PRELID3A: variants seen among roughly 807,000 people sequenced by gnomAD.
PRELID3A encodes the protein PRELI domain containing protein 3A.
PRELID3A carries 27 observed loss-of-function variants against 23.0 expected under a neutral mutation model. The ratio of observed to expected loss-of-function variants is 1.17; its 90% CI spans 0.87 to 1.62. The LOEUF is 1.62. PRELID3A is among the 40% of genes most tolerant of loss of function. The pLI is 0.00. For synonymous variants in PRELID3A, 87 were observed against 86.4 expected, an observed-to-expected ratio of 1.01 and a Z score of -0.04; for missense variants, 231 against 231.4, an observed-to-expected ratio of 1.00 and a Z score of 0.01.
In PRELID3A at chr18:12,429,435, T is replaced by C; in HGVS notation, c.*32T>C. 6.3e-7 allele frequency: 1 copy of C among 1,599,958 alleles called. No homozygotes were observed. Among genetic ancestry groups the C allele is most frequent in the East Asian group, 2.2e-5 (1 of 44,816 alleles). On this transcript the variant is annotated splice_region_variant and 3_prime_UTR_variant, in exon 6 of 7. Transcript: ENST00000440960. Reference sequence around the variant, plus strand: ...CTGTGCCTGTGCTTGTCATAAATGGTGGTGAGTACAGTATTCACTCACCTG... The same window carrying C: ...CTGTGCCTGTGCTTGTCATAAATGGCGGTGAGTACAGTATTCACTCACCTG...
chr18:12,410,973 A>G (rs543942564), intron 1 of PRELID3A: 1 of 152,318 alleles, frequency 6.6e-6, no homozygotes, highest in African/African-American at 2.4e-5. Context: ...TGCTGGGATT[A>G]CAGTACTTTT....
intron 3 of PRELID3A, among the ~76,000 whole-genome samples, chr18:12,425,192 T>C (rs1227460010): frequency 2.0e-5 from 3 of 152,170 alleles, no homozygotes; most frequent in African/African-American, 7.2e-5. Flanking sequence ...CTCAGTCACA[T>C]GAGCCACATT....
intron 3 of PRELID3A, among the ~76,000 whole-genome samples, chr18:12,425,263 T>A (rs1186585006): frequency 2.0e-5 from 3 of 152,196 alleles, no homozygotes; most frequent in Non-Finnish European, 4.4e-5. Context: ...GCATAGGACA[T>A]TACTGTTAGC....
chr18:12,418,781 C>T (rs1374460881), intron 1 of PRELID3A, among the ~76,000 whole-genome samples: 1 of 152,178 alleles, frequency 6.6e-6, no homozygotes, highest in African/African-American at 2.4e-5. Context: ...GGTGTGGTGG[C>T]CCCTCACTTG....
chr18:12,413,743 C>T (rs1292828117), intron 1 of PRELID3A, among the ~76,000 whole-genome samples: 1 of 152,140 alleles, frequency 6.6e-6, no homozygotes, highest in Admixed American at 6.5e-5. Flanking sequence ...CTCACCACGG[C>T]CTACTAATTT....
chr18:12,427,151 G>T lies in PRELID3A; in HGVS notation c.362+40G>T, dbSNP rs147046872. The T allele has an allele frequency of 3.6e-4, 578 of 1,599,266 alleles. 1 individual carries two copies. The African/African-American group carries it at 7.2e-3, about 20-fold the overall frequency. On this transcript the variant is annotated intron_variant, in intron 4 of 6. Coordinates refer to ENST00000440960, the MANE Select transcript of PRELID3A (RefSeq NM_001142405.2). Reference sequence around the variant, plus strand: ...GTGGGATTGACACATTGAATGCCACGGGTGAGGGCAGGGCAGACCCTCCTC... The same window carrying T: ...GTGGGATTGACACATTGAATGCCACTGGTGAGGGCAGGGCAGACCCTCCTC...
At chr18:12,418,712 G>T (rs762092404) in intron 1 of PRELID3A, among the ~76,000 whole-genome samples, 2 of 152,202 alleles carry the variant, frequency 1.3e-5, no homozygotes, top group African/African-American at 2.4e-5. Context: ...GACAATTAGG[G>T]CAATAAAGTG....
chr18:12,422,025 G>A (rs555878517), intron 3 of PRELID3A, among the ~76,000 whole-genome samples: 52 of 149,936 alleles, frequency 3.5e-4, no homozygotes, highest in Non-Finnish European at 6.4e-4. Context: ...GTGCAGCCTC[G>A]CACTCCTGGG....
intron 1 of PRELID3A, among the ~76,000 whole-genome samples, chr18:12,416,624 A>ATTTTC (rs1299519142): frequency 6.9e-6 from 1 of 144,458 alleles, no homozygotes; most frequent in Non-Finnish European, 1.5e-5. Flanking sequence ...AGACAAGGCT[A>ATTTTC]TTTTCTTTTC....
Position 12,420,391 on chromosome 18 carries a change from G to T in PRELID3A, c.99G>T (p.Val33=). 1 of 1,610,164 alleles carries T rather than the reference G, an allele frequency of 6.2e-7. No homozygotes were observed. Among genetic ancestry groups the T allele is most frequent in the Non-Finnish European group, 8.5e-7 (1 of 1,178,774 alleles). Residue 33 remains valine (V), a synonymous_variant, in exon 2 of 7, where the codon GTG becomes GTT. Coordinates refer to ENST00000440960, the MANE Select transcript of PRELID3A (RefSeq NM_001142405.2). ...RKYPNPMNPS[V]LGVDVLQRRV... ...ACCCGAACCCGATGAACCCGAGCGT[G>T]CTGGGCGTGGATGTGCTACAGCGCC...
intron 1 of PRELID3A, 119 bp from the exon 2 acceptor site, chr18:12,420,206 C>G (rs1245558750): frequency 2.8e-6 from 4 of 1,447,542 alleles, no homozygotes; most frequent in Non-Finnish European, 3.6e-6. Flanking sequence ...TCGGACCAGC[C>G]TTTCATTAAA....
chr18:12,428,455 T>C (rs2030447715), intron 5 of PRELID3A, among the ~76,000 whole-genome samples: 2 of 152,200 alleles, frequency 1.3e-5, no homozygotes. Flanking sequence ...TCCCTCCTTT[T>C]TGGGGGTCAG....
intron 1 of PRELID3A, among the ~76,000 whole-genome samples, chr18:12,408,461 G>T (rs1254875194): frequency 6.6e-6 from 1 of 152,180 alleles, no homozygotes; most frequent in Non-Finnish European, 1.5e-5. Flanking sequence ...CGCGTTTCAC[G>T]GAGGGCCCAC....
Position 12,429,382 on chromosome 18 carries a change from C to G in PRELID3A, c.498C>G (p.His166Gln), listed in dbSNP as rs151054907. 100 of 1,613,844 alleles carry G rather than the reference C, an allele frequency of 6.2e-5. No individual in the cohort carries two copies. The African/African-American group carries it at 1.2e-3, about 20-fold the overall frequency. Residue 166 changes from histidine to glutamine, a missense_variant, in exon 6 of 7, where the codon CAC becomes CAG. Transcript: ENST00000440960. ...CTGCTATCGAGTGGATAATTGAACA[C>G]TCTGAAAGCGCTGTGAGCTAAGGAG... Reference protein sequence around the residue: ...GWAAIEWIIEHSESAVS With the variant: ...GWAAIEWIIEQSESAVS
intron 6 of PRELID3A, among the ~76,000 whole-genome samples, chr18:12,430,704 A>T (rs2030556085): frequency 7.5e-6 from 1 of 133,868 alleles, no homozygotes; most frequent in African/African-American, 2.9e-5. Flanking sequence ...CTGTGTGTGA[A>T]TGTGTGTATA....
intron 1 of PRELID3A, among the ~76,000 whole-genome samples, chr18:12,418,440 G>A (rs1038981934): frequency 5.3e-5 from 8 of 152,174 alleles, no homozygotes; most frequent in Non-Finnish European, 7.3e-5. Context: ...TATATTGAGT[G>A]TAATCCCAGT....
chr18:12,423,091 A>G (rs1012420574), intron 3 of PRELID3A, among the ~76,000 whole-genome samples: 5 of 152,192 alleles, frequency 3.3e-5, no homozygotes, highest in African/African-American at 1.2e-4. Context: ...ATGTGAAGGT[A>G]GGTGACAGGG....
chr18:12,413,690 TCTC>T (rs1303844434), intron 1 of PRELID3A, among the ~76,000 whole-genome samples: 1 of 152,090 alleles, frequency 6.6e-6, no homozygotes, highest in East Asian at 1.9e-4. Flanking sequence ...TTCAAGCAAT[TCTC>T]CTGCCTCAGC....
chr18:12,421,368 A>G, intron 2 of PRELID3A, 172 bp from the exon 3 acceptor site: 1 of 594,314 alleles, frequency 1.7e-6, no homozygotes, highest in Non-Finnish European at 3.0e-6. Context: ...TCAGTGGCTC[A>G]CCTGCTGGAG....
Sources: allele counts gnomAD v4.1 joint callset (sites outside exome capture counted in the v4.1 genomes callset), GRCh38; gene constraint gnomAD v4.1.1; transcripts MANE v1.5; gene names NCBI Gene and HGNC (gene_info 2026-07-23, HGNC 2026-07-21).